The following ZBTB20 variants were observed in gnomAD, a reference collection of about 807,000 sequenced individuals.
ZBTB20 encodes zinc finger and BTB domain containing 20, also known as zinc finger and BTB domain-containing protein 20.
ZBTB20 carries 9 observed loss-of-function variants against 56.9 expected under a neutral mutation model. The observed-to-expected ratio is 0.16, with a 90% CI of 0.10 to 0.28. The LOEUF is 0.28. Among genes scored for constraint, ZBTB20 ranks in the 10% least tolerant of loss-of-function variants. ZBTB20 has a pLI of 1.00. For synonymous variants in ZBTB20, 417 were observed against 420.7 expected (o/e 0.99, Z 0.11); for missense variants, 655 against 1,003.0 (o/e 0.65, Z 4.69).
intron 7 of ZBTB20, among the ~76,000 whole-genome samples, chr3:114,434,255 G>A (rs987854037): frequency 1.3e-4 from 20 of 151,926 alleles, no homozygotes; most frequent in Non-Finnish European, 1.5e-4. Context: ...AAATGCTCTC[G>A]GTAGGGGTAT....
intron 6 of ZBTB20, chr3:114,519,201 A>G (rs2046368361): frequency 2.0e-5 from 3 of 152,202 alleles, no homozygotes; most frequent in Admixed American, 6.6e-5. Flanking sequence ...TGCTAGGGAA[A>G]TCATCTGAAA....
intron 3 of ZBTB20, chr3:114,931,125 C>A: frequency 5.7e-6 from 1 of 175,396 alleles, no homozygotes. Context: ...TATTCTAACC[C>A]TCCTTGCAGG....
At chr3:115,127,718 T>A (rs975503294) in intron 1 of ZBTB20, among the ~76,000 whole-genome samples, 1 of 152,188 alleles carries the variant, frequency 6.6e-6, no homozygotes, top group African/African-American at 2.4e-5. Context: ...AGAAATCAAA[T>A]AAACTCAACT....
At chr3:114,665,676 C>G (rs1430136039) in intron 6 of ZBTB20, among the ~76,000 whole-genome samples, 2 of 151,962 alleles carry the variant, frequency 1.3e-5, no homozygotes, top group African/African-American at 4.8e-5. Context: ...GTGTCTTACA[C>G]AGGACAGTCA....
chr3:114,452,634 C>T (rs975377081), intron 7 of ZBTB20, among the ~76,000 whole-genome samples: 1 of 152,076 alleles, frequency 6.6e-6, no homozygotes, highest in Non-Finnish European at 1.5e-5. Flanking sequence ...ATGTATTACA[C>T]CCTTAAGAAG....
intron 7 of ZBTB20, among the ~76,000 whole-genome samples, chr3:114,436,338 T>A (rs1007348396): frequency 2.6e-5 from 4 of 151,996 alleles, no homozygotes; most frequent in Non-Finnish European, 5.9e-5. Context: ...AAGCTAGATC[T>A]CCCTAGAGGC....
chr3:115,062,380 A>G (rs1415985617), intron 2 of ZBTB20, among the ~76,000 whole-genome samples: 2 of 152,076 alleles, frequency 1.3e-5, no homozygotes, highest in African/African-American at 4.8e-5. Flanking sequence ...TTCTTTCTTC[A>G]TTTCTTCTCT....
intron 5 of ZBTB20, among the ~76,000 whole-genome samples, chr3:114,741,623 C>T (rs995239284): frequency 2.0e-5 from 3 of 151,926 alleles, no homozygotes; most frequent in Non-Finnish European, 4.4e-5. Flanking sequence ...GCCTGTAATC[C>T]CAGCATTTCG....
chr3:114,472,931 T>C (rs1359032240), intron 7 of ZBTB20, among the ~76,000 whole-genome samples: 1 of 152,230 alleles, frequency 6.6e-6, no homozygotes, highest in Non-Finnish European at 1.5e-5. Context: ...ATAGCTCACC[T>C]GTTGGACTGG....
At position 114,396,458 on chromosome 3, in the gene ZBTB20, A is replaced by G. The variant is rs546653220; in HGVS notation, c.-254-7353T>C. 1.2e-4 allele frequency among the ~76,000 whole-genome samples: 19 copies of G among 152,298 alleles called. No homozygotes were observed. In the South Asian group the frequency reaches 3.9e-3, roughly 32 times the overall value. ...TGTGGCAGGCATTGAGCCTTTTCAC[A>G]GATAACTTTATTTTCTTACAATTAC... On this transcript the variant is annotated intron_variant, in intron 7 of 11. Transcript: ENST00000675478.
At chr3:114,393,145 A>G (rs1386897958) in intron 7 of ZBTB20, among the ~76,000 whole-genome samples, 1 of 152,246 alleles carries the variant, frequency 6.6e-6, no homozygotes, top group African/African-American at 2.4e-5. Flanking sequence ...CAGCAGCCAC[A>G]CAAACAGCAA....
Position 114,851,819 on chromosome 3 carries a change from G to A in ZBTB20, c.-417+48485C>T, listed in dbSNP as rs186312365. On this transcript the variant is annotated intron_variant, in intron 4 of 11. Transcript: ENST00000675478. Reference sequence around the variant, plus strand: ...TGTTTAAAGATATGGATATTCCTCCGAACACTGTTTTATCTATATCTATAC... The same window carrying A: ...TGTTTAAAGATATGGATATTCCTCCAAACACTGTTTTATCTATATCTATAC... Among the ~76,000 whole-genome samples, 36 of 151,838 alleles carry A rather than the reference G, an allele frequency of 2.4e-4. 1 individual carries two copies. Among genetic ancestry groups the A allele is most frequent in the Non-Finnish European group, 4.6e-4 (31 of 67,944 alleles).
chr3:114,673,721 T>C (rs1450297602), intron 6 of ZBTB20, among the ~76,000 whole-genome samples: 1 of 152,208 alleles, frequency 6.6e-6, no homozygotes, highest in Non-Finnish European at 1.5e-5. Flanking sequence ...TTGTACACTT[T>C]GGTCTTTTAT....
intron 3 of ZBTB20, among the ~76,000 whole-genome samples, chr3:114,936,243 T>TAC (rs1313006752): frequency 6.6e-6 from 1 of 152,190 alleles, no homozygotes; most frequent in Non-Finnish European, 1.5e-5. Context: ...TGCAAACTCA[T>TAC]ACACACACTG....
intron 3 of ZBTB20, among the ~76,000 whole-genome samples, chr3:114,958,598 A>G (rs2077330692): frequency 6.6e-6 from 1 of 152,152 alleles, no homozygotes; most frequent in African/African-American, 2.4e-5. Flanking sequence ...CTGTAATCCC[A>G]GCACTTTGGG....
chr3:114,549,775 T>A (rs1430418338), intron 6 of ZBTB20, among the ~76,000 whole-genome samples: 1 of 150,844 alleles, frequency 6.6e-6, no homozygotes, highest in Non-Finnish European at 1.5e-5. Context: ...TTTTGACTGA[T>A]GCTGTTAATA....
intron 3 of ZBTB20, among the ~76,000 whole-genome samples, chr3:114,912,447 A>G (rs1010449701): frequency 1.3e-5 from 2 of 151,824 alleles, no homozygotes; most frequent in African/African-American, 4.8e-5. Context: ...GTTATTAGGT[A>G]TACTTTTAAA....
chr3:114,755,034 G>A (rs1376998607), intron 5 of ZBTB20, among the ~76,000 whole-genome samples: 1 of 152,108 alleles, frequency 6.6e-6, no homozygotes, highest in African/African-American at 2.4e-5. Context: ...GCAGATCCAG[G>A]CTACATTCTC....
At chr3:114,785,507 T>A (rs1249753191) in intron 5 of ZBTB20, among the ~76,000 whole-genome samples, 1 of 152,076 alleles carries the variant, frequency 6.6e-6, no homozygotes, top group Non-Finnish European at 1.5e-5. Context: ...AGAAGAAGAT[T>A]TTAGGGACAG....
Sources: gnomAD v4.1 joint callset for allele counts (sites outside exome capture counted in the v4.1 genomes callset) on GRCh38, gnomAD v4.1.1 for gene constraint, MANE v1.5 for transcripts, NCBI Gene and HGNC (gene_info 2026-07-23, HGNC 2026-07-21) for gene names.